Variants in M1AP observed in about 807,000 individuals in gnomAD.
M1AP encodes the protein meiosis 1 arrest protein.
M1AP carries 39 observed loss-of-function variants against 51.2 expected under a neutral mutation model. The observed-to-expected ratio is 0.76, with a 90% CI of 0.59 to 1.00. The LOEUF (loss-of-function observed/expected upper bound fraction) is 1.00, where lower values mean the gene tolerates loss of function less well. M1AP is among the 50% of genes least tolerant of loss of function. M1AP has a pLI of 0.00. For synonymous variants in M1AP, 251 were observed against 249.2 expected, an observed-to-expected ratio of 1.01 and a Z score of -0.07; for missense variants, 545 against 641.2, an observed-to-expected ratio of 0.85 and a Z score of 1.62.
In M1AP at chr2:74,581,664, G is replaced by T. The variant is rs775761393; in HGVS notation, c.769+10C>A. ...AATCATAGCCTAAATATCTTTTGGG[G>T]ATTATGTACTTGGATTATCTCTGGG... is the stretch of plus-strand genomic sequence containing the variant. On this transcript the variant is annotated intron_variant, in intron 5 of 10. Coordinates refer to ENST00000421985, the MANE Select transcript of M1AP (RefSeq NM_001321739.2). The T allele has an allele frequency of 1.2e-6, 2 of 1,611,346 alleles. No homozygotes were observed. The highest frequency in any genetic ancestry group is 1.1e-5 in the South Asian group (1 of 90,960).
At chr2:74,576,210 G>T (rs1573082359) in intron 6 of M1AP, among the ~76,000 whole-genome samples, 1 of 152,296 alleles carries the variant, frequency 6.6e-6, no homozygotes, top group Non-Finnish European at 1.5e-5. Context: ...TGAGTCAAAA[G>T]AAAAACAATC....
At chr2:74,598,526 C>T (rs558726037) in intron 4 of M1AP, among the ~76,000 whole-genome samples, 1 of 151,812 alleles carries the variant, frequency 6.6e-6, no homozygotes, top group Admixed American at 6.6e-5. Context: ...TGAAAAGATG[C>T]ATTCACATTG....
At chr2:74,560,312 G>C in intron 8 of M1AP, 21 bp from the exon 9 acceptor site, 2 of 1,566,168 alleles carry the variant, frequency 1.3e-6, no homozygotes, top group Non-Finnish European at 8.6e-7. Context: ...GAGAGGAGGG[G>C]CCTCACTAGG....
At chr2:74,590,453 G>T (rs991624972) in intron 4 of M1AP, among the ~76,000 whole-genome samples, 1 of 150,722 alleles carries the variant, frequency 6.6e-6, no homozygotes, top group Non-Finnish European at 1.5e-5. Flanking sequence ...GGCGGGGGCG[G>T]GATACAACAT....
intron 1 of M1AP, among the ~76,000 whole-genome samples, chr2:74,641,050 T>C (rs1440461544): frequency 6.6e-6 from 1 of 152,230 alleles, no homozygotes; most frequent in African/African-American, 2.4e-5. Flanking sequence ...GTGTGTTTAG[T>C]ACCTAACGAA....
chr2:74,632,655 C>T (rs1037977763), intron 2 of M1AP, among the ~76,000 whole-genome samples: 10 of 152,154 alleles, frequency 6.6e-5, no homozygotes, highest in Admixed American at 1.3e-4. Flanking sequence ...TGGAATAGGG[C>T]GAGTAGGCAC....
intron 1 of M1AP, 133 bp from the exon 2 acceptor site, chr2:74,640,460 C>G: frequency 1.4e-6 from 1 of 727,322 alleles, no homozygotes. Context: ...TCCAGGCCAT[C>G]CTATTTTTTT....
intron 2 of M1AP, among the ~76,000 whole-genome samples, chr2:74,616,332 C>T (rs535447392): frequency 6.6e-6 from 1 of 152,258 alleles, no homozygotes; most frequent in African/African-American, 2.4e-5. Flanking sequence ...GATGTAACTT[C>T]CTGCATATTT....
At chr2:74,573,991 C>T (rs1678905165) in intron 7 of M1AP, among the ~76,000 whole-genome samples, 1 of 152,192 alleles carries the variant, frequency 6.6e-6, no homozygotes, top group East Asian at 1.9e-4. Flanking sequence ...TGGGCACTAA[C>T]AGTTACAACG....
intron 2 of M1AP, among the ~76,000 whole-genome samples, chr2:74,632,633 C>T (rs1001422016): frequency 6.6e-6 from 1 of 152,148 alleles, no homozygotes; most frequent in African/African-American, 2.4e-5. Context: ...GTGCACAGTT[C>T]CATGGAGGAA....
At chr2:74,563,229 AAGAT>A (rs934631561) in intron 7 of M1AP, among the ~76,000 whole-genome samples, 3 of 151,756 alleles carry the variant, frequency 2.0e-5, no homozygotes, top group Non-Finnish European at 3.0e-5. Context: ...TAAATAAATA[AAGAT>A]AGATAGATGA....
chr2:74,629,025 G>C, intron 2 of M1AP: 1 of 189,990 alleles, frequency 5.3e-6, no homozygotes. Flanking sequence ...TTTCCATTAA[G>C]AACAATACTA....
At chr2:74,596,512 G>A (rs1428387883) in intron 4 of M1AP, among the ~76,000 whole-genome samples, 2 of 152,100 alleles carry the variant, frequency 1.3e-5, no homozygotes, top group African/African-American at 2.4e-5. Flanking sequence ...AACCTGGGAG[G>A]TGGAGCTTGC....
chr2:74,612,601 A>G (rs1033795590), intron 3 of M1AP, among the ~76,000 whole-genome samples: 2 of 151,860 alleles, frequency 1.3e-5, no homozygotes, highest in Non-Finnish European at 2.9e-5. Flanking sequence ...TTGAGGTGCA[A>G]TGCTAGGTTG....
chr2:74,565,574 AT>A (rs1248313573), intron 7 of M1AP, among the ~76,000 whole-genome samples: 1 of 152,068 alleles, frequency 6.6e-6, no homozygotes, highest in African/African-American at 2.4e-5. Context: ...CACACCTGTA[AT>A]CCTAGCACTT....
At chr2:74,645,456 G>C (rs529717583) in intron 1 of M1AP, among the ~76,000 whole-genome samples, 2 of 152,310 alleles carry the variant, frequency 1.3e-5, no homozygotes, top group Admixed American at 1.3e-4. Context: ...AACTCTGCAG[G>C]AAGGGCTTGG....
At position 74,615,036 on chromosome 2, in the gene M1AP, ATCC is replaced by A. The variant is rs1681582425; in HGVS notation, c.351_353del (p.Glu117del). ...TGTATTGTTTGAATTGCTGGAGCCC[ATCC>A]TCTACTGCCAGCCGCAGAGAAGCAC... On this transcript the variant is annotated inframe_deletion, in exon 3 of 11. Transcript: ENST00000421985. 1.2e-6 allele frequency: 2 copies of A among 1,614,070 alleles called. No individual in the cohort carries two copies. The highest frequency in any genetic ancestry group is 1.3e-5 in the African/African-American group (1 of 74,938).
In M1AP at chr2:74,563,144, G is replaced by C. The variant is rs372071362; in HGVS notation, c.1075-721C>G. Among the ~76,000 whole-genome samples the C allele has an allele frequency of 9.9e-5, 15 of 152,230 alleles. No homozygotes were observed. In the East Asian group the frequency reaches 2.7e-3, roughly 27 times the overall value. ...ATCTGTAATCCCAGCACTTTGGGAG[G>C]CCAAGCCAGGAAGACTGCTTGAACC... On this transcript the variant is annotated intron_variant, in intron 7 of 10. Coordinates refer to ENST00000421985, the MANE Select transcript of M1AP (RefSeq NM_001321739.2).
At chr2:74,640,364 CT>C in intron 1 of M1AP, 37 bp from the exon 2 acceptor site, 6 of 1,509,112 alleles carry the variant, frequency 4.0e-6, no homozygotes, top group Non-Finnish European at 4.5e-6. Flanking sequence ...GGTTTTCAAA[CT>C]GAATTATGTG....
Sources: allele counts gnomAD v4.1 joint callset (sites outside exome capture counted in the v4.1 genomes callset), GRCh38; gene constraint gnomAD v4.1.1; transcripts MANE v1.5; gene names NCBI Gene and HGNC (gene_info 2026-07-23, HGNC 2026-07-21).